DGKB: variants seen among roughly 807,000 people sequenced by gnomAD.
DGKB encodes the protein diacylglycerol kinase beta, also known as 90 kDa diacylglycerol kinase.
In DGKB, 67 loss-of-function variants were observed where a neutral mutation model predicts 114.3. The ratio of observed to expected loss-of-function variants is 0.59; its 90% CI spans 0.48 to 0.72. DGKB has a LOEUF of 0.72. Among genes scored for constraint, DGKB ranks in the 30% least tolerant of loss-of-function variants. DGKB has a pLI of 0.00. For missense variants in DGKB, 907 were observed against 975.2 expected (o/e 0.93, Z 0.93); for synonymous variants, 398 against 323.1 (o/e 1.23, Z -2.49).
chr7:14,945,111 G>A (rs1032045204), intron 1 of DGKB, among the ~76,000 whole-genome samples: 7 of 151,368 alleles, frequency 4.6e-5, no homozygotes, highest in African/African-American at 1.2e-4. Context: ...TCAGAAGAAC[G>A]GAAAAATAAA....
intron 23 of DGKB, among the ~76,000 whole-genome samples, chr7:14,199,161 T>C (rs1470647296): frequency 6.6e-6 from 1 of 152,038 alleles, no homozygotes; most frequent in Non-Finnish European, 1.5e-5. Context: ...AAATAAACTT[T>C]ATGTATAAGT....
chr7:14,392,995 G>GTTTTTGTTTTTTTTGTTTTTTT lies in DGKB; in HGVS notation c.1836-47605_1836-47604insAAAAAAACAAAAAAAACAAAAA. 6.6e-5 allele frequency among the ~76,000 whole-genome samples: 4 copies of GTTTTTGTTTTTTTTGTTTTTTT among 60,546 alleles called. 1 individual carries two copies. The highest frequency in any genetic ancestry group is 1.4e-4 in the Non-Finnish European group (4 of 29,028). The allele number at this position is 60,546 out of a possible 152,430, so 39.7% of individuals were successfully genotyped here. A position where few individuals can be genotyped will look rare whatever the true frequency, so the allele number is the denominator to read the frequency against. Reference sequence around the variant, plus strand: ...CAAAACAGACCTGTTTTTTGTTTTTGTTTTTTTTTTTTTGAGACGGAGTCT... The same window carrying GTTTTTGTTTTTTTTGTTTTTTT: ...CAAAACAGACCTGTTTTTTGTTTTTGTTTTTGTTTTTTTTGTTTTTTTTTTTTTTTTTTTTGAGACGGAGTCT... On this transcript the variant is annotated intron_variant, in intron 21 of 25. Coordinates refer to ENST00000402815, the MANE Select transcript of DGKB (RefSeq NM_001350709.2).
chr7:14,857,258 T>TTTTGTGTGTGTGTGTGTGTGTGTG (rs1850298718), intron 1 of DGKB, among the ~76,000 whole-genome samples: 1 of 138,262 alleles, frequency 7.2e-6, no homozygotes, highest in East Asian at 2.4e-4. Flanking sequence ...CTGTGTGTGT[T>TTTTGTGTGTGTGTGTGTGTGTGTG]TGTGTGTGTG....
At chr7:14,477,792 C>T (rs997186642) in intron 21 of DGKB, among the ~76,000 whole-genome samples, 3 of 152,136 alleles carry the variant, frequency 2.0e-5, no homozygotes, top group African/African-American at 7.2e-5. Context: ...GTAATATACA[C>T]TTAGCATTAT....
At chr7:14,210,587 C>G (rs1787592702) in intron 23 of DGKB, among the ~76,000 whole-genome samples, 1 of 152,062 alleles carries the variant, frequency 6.6e-6, no homozygotes. Context: ...ACCTGATTTT[C>G]AGAATGAATC....
intron 2 of DGKB, among the ~76,000 whole-genome samples, chr7:14,832,601 T>G (rs1031822075): frequency 3.3e-5 from 5 of 152,126 alleles, no homozygotes; most frequent in African/African-American, 4.8e-5. Context: ...TTATCTCAAG[T>G]TCAATCTCAT....
rs544166507 is a variant in DGKB, at chr7:14,339,234, G to C, written c.1927-524C>G. Among the ~76,000 whole-genome samples the C allele has an allele frequency of 3.3e-5, 5 of 150,738 alleles. No individual in the cohort carries two copies. The East Asian group carries it at 7.8e-4, about 24-fold the overall frequency. ...AAAAAAAAAAAAAGTAAAATTCAAA[G>C]CAGAGATTCTAAGAGATTTCAATCA... On this transcript the variant is annotated intron_variant, in intron 22 of 25. Coordinates refer to ENST00000402815, the MANE Select transcript of DGKB (RefSeq NM_001350709.2).
chr7:14,902,854 T>C (rs1218911952), upstream of DGKB: 1 of 152,066 alleles, frequency 6.6e-6, no homozygotes, highest in African/African-American at 2.4e-5. Context: ...GAAATCTACT[T>C]CCAGGCAGCA....
At chr7:14,638,247 G>T (rs1811109527) in intron 13 of DGKB, among the ~76,000 whole-genome samples, 1 of 151,950 alleles carries the variant, frequency 6.6e-6, no homozygotes, top group Non-Finnish European at 1.5e-5. Context: ...AAATTTAGTA[G>T]TAACTATAAG....
At chr7:14,757,555 T>TAC (rs74352324) in intron 3 of DGKB, 100 bp downstream of exon 3, 122,952 of 645,176 alleles carry the variant, frequency 0.19, 11,725 homozygotes, top group African/African-American at 0.45. Context: ...TACATATACA[T>TAC]ACACACACAC....
intron 25 of DGKB, among the ~76,000 whole-genome samples, chr7:14,155,579 A>G (rs1487876998): frequency 6.6e-6 from 1 of 152,066 alleles, no homozygotes; most frequent in Non-Finnish European, 1.5e-5. Context: ...ATGGAAGGTT[A>G]ATTTGATCCA....
intron 21 of DGKB, among the ~76,000 whole-genome samples, chr7:14,394,915 G>A (rs750625189): frequency 3.5e-4 from 53 of 152,038 alleles, no homozygotes; most frequent in African/African-American, 6.3e-4. Flanking sequence ...CAATCCATCA[G>A]TGTTTTGCTC....
At chr7:14,818,706 A>C (rs371431808) in intron 2 of DGKB, among the ~76,000 whole-genome samples, 7 of 152,244 alleles carry the variant, frequency 4.6e-5, no homozygotes, top group Admixed American at 3.3e-4. Context: ...TCTAAATTCA[A>C]CTTTTAGTTG....
intron 2 of DGKB, among the ~76,000 whole-genome samples, chr7:14,816,066 C>T (rs931693859): frequency 6.6e-6 from 1 of 152,148 alleles, no homozygotes; most frequent in Non-Finnish European, 1.5e-5. Flanking sequence ...CACAGTGGCT[C>T]ACGTCTGTAA....
chr7:14,332,169 ACTGGCCC>A (rs1187880797), intron 23 of DGKB, among the ~76,000 whole-genome samples: 1 of 152,068 alleles, frequency 6.6e-6, no homozygotes, highest in African/African-American at 2.4e-5. Context: ...TTTGCTACGT[ACTGGCCC>A]CTATTCTAAG....
At chr7:14,681,080 C>CA (rs1200062046) in intron 12 of DGKB, among the ~76,000 whole-genome samples, 1 of 145,780 alleles carries the variant, frequency 6.9e-6, no homozygotes, top group Non-Finnish European at 1.5e-5. Flanking sequence ...AGGTCTGAAA[C>CA]AAAAATGACA....
At chr7:14,376,763 A>G (rs1818546015) in intron 21 of DGKB, among the ~76,000 whole-genome samples, 1 of 152,190 alleles carries the variant, frequency 6.6e-6, no homozygotes, top group Non-Finnish European at 1.5e-5. Flanking sequence ...ACTTTGCACT[A>G]AATAACTTTT....
intron 23 of DGKB, among the ~76,000 whole-genome samples, chr7:14,215,772 A>G (rs1175861289): frequency 6.6e-6 from 1 of 152,174 alleles, no homozygotes; most frequent in African/African-American, 2.4e-5. Flanking sequence ...GTAATTAGTA[A>G]CCAGTGTTAT....
At chr7:14,587,754 C>A (rs1801020458) in intron 17 of DGKB, among the ~76,000 whole-genome samples, 1 of 152,098 alleles carries the variant, frequency 6.6e-6, no homozygotes, top group Admixed American at 6.6e-5. Context: ...CATTATGACT[C>A]CCTGGAGGCT....
Sources: gnomAD v4.1 joint callset for allele counts (sites outside exome capture counted in the v4.1 genomes callset) on GRCh38, gnomAD v4.1.1 for gene constraint, MANE v1.5 for transcripts, NCBI Gene and HGNC (gene_info 2026-07-23, HGNC 2026-07-21) for gene names.